ANKRD36C: variants seen among roughly 807,000 people sequenced by gnomAD.
ANKRD36C encodes the protein ankyrin repeat domain-containing protein 36C.
Under a neutral mutation model 276.4 loss-of-function variants are expected in ANKRD36C, and 61 were observed. That is an observed-to-expected ratio of 0.22 (90% confidence interval 0.18 to 0.27). The LOEUF (loss-of-function observed/expected upper bound fraction) is 0.27. Ranked by LOEUF, ANKRD36C falls within the 10% of genes least tolerant of loss-of-function variation. The pLI is 1.00. For missense variants in ANKRD36C, 1,447 were observed against 2,032.3 expected (o/e 0.71, Z 5.54); for synonymous variants, 483 against 680.1 (o/e 0.71, Z 4.51).
intron 44 of ANKRD36C, among the ~76,000 whole-genome samples, chr2:95,893,022 C>T (rs1340456662): frequency 1.3e-5 from 2 of 150,750 alleles, no homozygotes; most frequent in African/African-American, 2.4e-5. Context: ...GTTTCCTCAG[C>T]GGAAACCCCA....
chr2:95,912,344 A>T, intron 41 of ANKRD36C, 28 bp from the exon 44 acceptor site: 1 of 1,599,186 alleles, frequency 6.3e-7, no homozygotes, highest in Non-Finnish European at 8.5e-7. Flanking sequence ...CAAAATAATA[A>T]ATAAGGTATG....
Position 95,927,205 on chromosome 2 carries a change from C to A in ANKRD36C, c.1939+9G>T. On this transcript the variant is annotated intron_variant, in intron 28 of 66. Coordinates refer to ENST00000456556, the Ensembl canonical transcript of ANKRD36C. ...TGAACATGACATTAAATGTGTTTTGCAAAATTACCTGTCCCAGATTGTTGT... is the reference window on the plus strand; with the variant it reads ...TGAACATGACATTAAATGTGTTTTGAAAAATTACCTGTCCCAGATTGTTGT... The A allele has an allele frequency of 1.2e-6, 2 of 1,609,580 alleles. No homozygotes were observed. The highest frequency in any genetic ancestry group is 1.7e-6 in the Non-Finnish European group (2 of 1,177,648).
chr2:95,919,344 T>G (rs1209718965), intron 34 of ANKRD36C, among the ~76,000 whole-genome samples: 1 of 133,272 alleles, frequency 7.5e-6, no homozygotes, highest in Non-Finnish European at 1.7e-5. Context: ...TAATATCAGT[T>G]TTCTGTCTTT....
At chr2:95,894,462 C>A (rs1467725596) in intron 44 of ANKRD36C, among the ~76,000 whole-genome samples, 1 of 151,458 alleles carries the variant, frequency 6.6e-6, no homozygotes, top group East Asian at 2.0e-4. Context: ...AGTAAAACTG[C>A]TACAAGCATT....
At chr2:95,891,393 T>C (rs1052889122) in intron 46 of ANKRD36C, among the ~76,000 whole-genome samples, 75 of 151,368 alleles carry the variant, frequency 5.0e-4, no homozygotes, top group African/African-American at 1.7e-3. Flanking sequence ...TAAAGCAAAA[T>C]TATGTTGTTT....
intron 35 of ANKRD36C, 26 bp downstream of exon 37, chr2:95,917,988 T>C (rs1161972484): frequency 6.3e-7 from 1 of 1,598,904 alleles, no homozygotes; most frequent in Non-Finnish European, 8.5e-7. Flanking sequence ...TGTCATAGAA[T>C]ACAATGTAAA....
intron 3 of ANKRD36C, 71 bp downstream of exon 3, chr2:95,986,680 A>T: frequency 3.2e-6 from 4 of 1,241,654 alleles, no homozygotes; most frequent in Non-Finnish European, 4.4e-6. Context: ...TGAAAAATTG[A>T]CCCTTACATG....
chr2:95,867,061 T>C (rs1675696917), intron 60 of ANKRD36C, among the ~76,000 whole-genome samples: 1 of 152,176 alleles, frequency 6.6e-6, no homozygotes, highest in Non-Finnish European at 1.5e-5. Flanking sequence ...TTTACAACTA[T>C]ATAATTATGA....
intron 42 of ANKRD36C, 108 bp downstream of exon 44, chr2:95,912,136 C>G (rs1676947107): frequency 7.0e-7 from 1 of 1,437,836 alleles, no homozygotes; most frequent in African/African-American, 1.4e-5. Flanking sequence ...AATCTCAGGC[C>G]TGCTGAATCA....
intron 61 of ANKRD36C, among the ~76,000 whole-genome samples, chr2:95,859,653 G>T (rs967037412): frequency 6.6e-6 from 1 of 152,094 alleles, no homozygotes; most frequent in Non-Finnish European, 1.5e-5. Context: ...TTAAAATTAT[G>T]ATTTAAAAGA....
chr2:95,966,470 T>C (rs530407010), intron 6 of ANKRD36C, among the ~76,000 whole-genome samples: 1 of 152,276 alleles, frequency 6.6e-6, no homozygotes, highest in South Asian at 2.1e-4. Context: ...GATCAGATGG[T>C]GTCGATGTAT....
chr2:95,876,841 G>A (rs1478230320), intron 58 of ANKRD36C, among the ~76,000 whole-genome samples: 2 of 116,152 alleles, frequency 1.7e-5, no homozygotes, highest in Non-Finnish European at 3.5e-5. Flanking sequence ...GTGGCAGAGC[G>A]AGACTGTGTC....
intron 13 of ANKRD36C, among the ~76,000 whole-genome samples, chr2:95,954,614 G>A (rs1419018169): frequency 6.6e-6 from 1 of 152,156 alleles, no homozygotes; most frequent in Non-Finnish European, 1.5e-5. Flanking sequence ...AAAAGTCAAA[G>A]TACAAATGTA....
intron 24 of ANKRD36C, among the ~76,000 whole-genome samples, chr2:95,929,475 C>A (rs1164792723): frequency 1.3e-5 from 2 of 151,514 alleles, no homozygotes; most frequent in East Asian, 3.9e-4. Context: ...GAAATATACA[C>A]TGACAATTTC....
At chr2:95,876,713 G>C (rs958266160) in intron 58 of ANKRD36C, among the ~76,000 whole-genome samples, 1 of 146,252 alleles carries the variant, frequency 6.8e-6, no homozygotes, top group African/African-American at 2.5e-5. Context: ...TTAGCTGGGC[G>C]TGGTGGTGGG....
At position 95,977,457 on chromosome 2, in the gene ANKRD36C, C is replaced by T. The variant is rs13383496; in HGVS notation, c.799+665G>A. On this transcript the variant is annotated intron_variant, in intron 6 of 66. Transcript: ENST00000456556. ...AAGTAAAACAAATAAAGAAGGCATA[C>T]GGGCAAGAAAAAGACCAACATTTTA... Among the ~76,000 whole-genome samples, 1,358 of 152,090 alleles carry T rather than the reference C, an allele frequency of 8.9e-3. 18 individuals are homozygous for T. The highest frequency in any genetic ancestry group is 0.031 in the African/African-American group (1,280 of 41,492).
At position 95,908,519 on chromosome 2, in the gene ANKRD36C, C is replaced by T. The variant is rs754392503; in HGVS notation, c.2653+3725G>A. The T allele has an allele frequency of 1.4e-5, 21 of 1,535,694 alleles. No homozygotes were observed. In the African/African-American group the frequency reaches 1.5e-4, roughly 11 times the overall value. ...AAAATTACCTCTCCTAGTTTTTTCTCCATGCTTTTTTCCTCTGGCTATATT... is the reference window on the plus strand; with the variant it reads ...AAAATTACCTCTCCTAGTTTTTTCTTCATGCTTTTTTCCTCTGGCTATATT... On this transcript the variant is annotated intron_variant, in intron 42 of 66. Transcript: ENST00000456556.
chr2:95,919,827 A>G (rs1177733156), intron 34 of ANKRD36C, 22 bp from the exon 36 acceptor site: 3 of 1,507,662 alleles, frequency 2.0e-6, no homozygotes, highest in Non-Finnish European at 2.7e-6. Context: ...TTGAAAGAAA[A>G]TAATAAATAA....
In ANKRD36C at chr2:95,929,052, GA is replaced by G. The variant is rs1677490413; in HGVS notation, c.1837+19del. 1 of 1,601,482 alleles carries G rather than the reference GA, an allele frequency of 6.2e-7. No homozygotes were observed. The highest frequency in any genetic ancestry group is 8.5e-7 in the Non-Finnish European group (1 of 1,177,792). ...TCCATCTTGATTGAACATGACATTAGAAGTGTTTTGCAAAATTACCTGTCCC... is the reference window on the plus strand; with the variant it reads ...TCCATCTTGATTGAACATGACATTAGAGTGTTTTGCAAAATTACCTGTCCC... On this transcript the variant is annotated intron_variant, in intron 26 of 66. Coordinates refer to ENST00000456556, the Ensembl canonical transcript of ANKRD36C.
Sources: allele counts gnomAD v4.1 joint callset (sites outside exome capture counted in the v4.1 genomes callset), GRCh38; gene constraint gnomAD v4.1.1; transcripts MANE v1.5; gene names NCBI Gene and HGNC (gene_info 2026-07-23, HGNC 2026-07-21).